The following RANBP17 variants were observed in gnomAD, a reference collection of about 807,000 sequenced individuals.
The protein encoded by RANBP17 is ran-binding protein 17.
Under a neutral mutation model 141.2 loss-of-function variants are expected in RANBP17, and 158 were observed. The ratio of observed to expected loss-of-function variants is 1.12; its 90% confidence interval spans 0.98 to 1.28. The LOEUF is 1.28. Ranked by LOEUF, RANBP17 falls within the 50% of genes most tolerant of loss-of-function variation. RANBP17 has a pLI of 0.00. For synonymous variants in RANBP17, 430 were observed against 450.0 expected, an observed-to-expected ratio of 0.96 and a Z score of 0.56; for missense variants, 1,438 against 1,290.7, an observed-to-expected ratio of 1.11 and a Z score of -1.75.
At chr5:171,090,887 C>T (rs567838882) in intron 14 of RANBP17, among the ~76,000 whole-genome samples, 1 of 152,178 alleles carries the variant, frequency 6.6e-6, no homozygotes, top group Admixed American at 6.5e-5. Context: ...GCCTAGACCT[C>T]AAAAGATGTA....
chr5:170,947,818 T>C (rs35183769), intron 12 of RANBP17, among the ~76,000 whole-genome samples: 11,313 of 152,176 alleles, frequency 0.074, 571 homozygotes, highest in Middle Eastern at 0.27. Context: ...TCTTCTTAAA[T>C]GGTGGCAGGC....
chr5:171,060,852 G>A (rs964862872), intron 14 of RANBP17, among the ~76,000 whole-genome samples: 20 of 152,322 alleles, frequency 1.3e-4, no homozygotes, highest in African/African-American at 4.6e-4. Flanking sequence ...CCTGTTATTA[G>A]TCTATTCAGA....
chr5:170,869,934 C>T (rs115233273), intron 1 of RANBP17, among the ~76,000 whole-genome samples: 2,399 of 152,230 alleles, frequency 0.016, 63 homozygotes, highest in African/African-American at 0.055. Context: ...TCCTCCAAAC[C>T]TATGAGATTG....
intron 14 of RANBP17, among the ~76,000 whole-genome samples, chr5:171,057,830 C>A (rs1266729197): frequency 6.6e-6 from 1 of 152,086 alleles, no homozygotes; most frequent in Admixed American, 6.6e-5. Context: ...TGAGAACTCA[C>A]TATCACAAGA....
chr5:171,093,145 G>A (rs1786426841), intron 14 of RANBP17, among the ~76,000 whole-genome samples: 1 of 151,810 alleles, frequency 6.6e-6, no homozygotes, highest in Non-Finnish European at 1.5e-5. Context: ...AGGAGGTAGA[G>A]GTTCCAGTGA....
chr5:170,878,320 A>G (rs1768366605), intron 2 of RANBP17, 77 bp downstream of exon 2: 3 of 1,229,426 alleles, frequency 2.4e-6, no homozygotes, highest in African/African-American at 1.5e-5. Flanking sequence ...GTGTGTTAGC[A>G]ATGGTAACTG....
rs565115923 is a variant in RANBP17, at chr5:170,953,780, G to A, written c.1574+78G>A. 9.0e-4 allele frequency: 838 copies of A among 925,988 alleles called. 3 individuals carry two copies. Among genetic ancestry groups the A allele is most frequent in the Middle Eastern group, 8.4e-3 (39 of 4,624 alleles). The allele number at this position is 925,988 out of a possible 1,614,324, so 57.4% of individuals were successfully genotyped here. A position where few individuals can be genotyped will look rare whatever the true frequency, so the allele number is the denominator to read the frequency against. On this transcript the variant is annotated intron_variant, in intron 13 of 27. Coordinates refer to ENST00000523189, the MANE Select transcript of RANBP17 (RefSeq NM_022897.5). ...TAGTTATTGAACTAGTATTATGAGTGAAGACATTTTGTATGTGGCCTTTTG... is the reference window on the plus strand; with the variant it reads ...TAGTTATTGAACTAGTATTATGAGTAAAGACATTTTGTATGTGGCCTTTTG...
At chr5:171,063,943 C>T (rs1284018903) in intron 14 of RANBP17, among the ~76,000 whole-genome samples, 2 of 152,238 alleles carry the variant, frequency 1.3e-5, no homozygotes, top group Non-Finnish European at 1.5e-5. Context: ...AGCGAGACTC[C>T]GTGGGCGTAG....
chr5:171,081,881 A>G (rs1785277033), intron 14 of RANBP17, among the ~76,000 whole-genome samples: 1 of 152,104 alleles, frequency 6.6e-6, no homozygotes, highest in African/African-American at 2.4e-5. Context: ...TCTTTCATGA[A>G]TCTGTTTTAG....
chr5:170,900,879 C>CAGTT (rs1321433924), intron 5 of RANBP17, among the ~76,000 whole-genome samples: 1 of 151,156 alleles, frequency 6.6e-6, no homozygotes, highest in Non-Finnish European at 1.5e-5. Flanking sequence ...GTCTGAGAGA[C>CAGTT]TGTTATGATT....
intron 14 of RANBP17, among the ~76,000 whole-genome samples, chr5:171,088,076 T>C (rs1237323767): frequency 2.6e-5 from 4 of 152,004 alleles, no homozygotes; most frequent in Non-Finnish European, 1.5e-5. Context: ...TCTTGACATT[T>C]TGGCATGATT....
intron 14 of RANBP17, among the ~76,000 whole-genome samples, chr5:171,149,065 T>A (rs1758288776): frequency 1.3e-5 from 2 of 152,154 alleles, no homozygotes; most frequent in Admixed American, 1.3e-4. Flanking sequence ...TAACCATAGG[T>A]TCTGTAGCTA....
At position 171,107,029 on chromosome 5, in the gene RANBP17, T is replaced by TTTGTTG. The variant is rs5873254; in HGVS notation, c.1711-63086_1711-63081dup. Among the ~76,000 whole-genome samples, 1,129 of 151,314 alleles carry TTTGTTG rather than the reference T, an allele frequency of 7.5e-3. 9 individuals are homozygous for TTTGTTG. Among genetic ancestry groups the TTTGTTG allele is most frequent in the Non-Finnish European group, 0.012 (787 of 67,778 alleles). On this transcript the variant is annotated intron_variant, in intron 14 of 27. Transcript: ENST00000523189. ...TTAGGACCCACGTATCTTTTGTTTG[T>TTTGTTG]TTGTTGTTGTTGTTGTTGTTTTGGA...
chr5:171,252,745 C>T (rs751363463), intron 24 of RANBP17: 1 of 1,400,772 alleles, frequency 7.1e-7, no homozygotes, highest in Non-Finnish European at 1.0e-6. Context: ...CTGTGGAAGA[C>T]TTATTTGTAG....
At chr5:171,003,967 A>G (rs528320447) in intron 14 of RANBP17, among the ~76,000 whole-genome samples, 85 of 152,308 alleles carry the variant, frequency 5.6e-4, no homozygotes, top group African/African-American at 1.9e-3. Context: ...AGGCAAAACA[A>G]TTTGGTTGAT....
intron 14 of RANBP17, among the ~76,000 whole-genome samples, chr5:171,069,086 C>T (rs1001272892): frequency 6.6e-6 from 1 of 152,028 alleles, no homozygotes; most frequent in African/African-American, 2.4e-5. Flanking sequence ...TGCCTGGAAC[C>T]AATAAGTAAA....
intron 12 of RANBP17, among the ~76,000 whole-genome samples, chr5:170,938,611 A>G (rs1157144775): frequency 6.6e-6 from 1 of 152,222 alleles, no homozygotes; most frequent in African/African-American, 2.4e-5. Context: ...GGAGTGTGAA[A>G]AACAACCAGG....
At chr5:171,009,434 G>A (rs989628593) in intron 14 of RANBP17, among the ~76,000 whole-genome samples, 1 of 152,068 alleles carries the variant, frequency 6.6e-6, no homozygotes, top group Non-Finnish European at 1.5e-5. Context: ...AATTGGATTG[G>A]TATAAATGGG....
intron 14 of RANBP17, among the ~76,000 whole-genome samples, chr5:171,074,368 CACG>C (rs1784794014): frequency 6.6e-6 from 1 of 152,116 alleles, no homozygotes; most frequent in South Asian, 2.1e-4. Flanking sequence ...ACCAAGGAAA[CACG>C]ACGATTAAAT....
Sources: allele counts gnomAD v4.1 joint callset (sites outside exome capture counted in the v4.1 genomes callset), GRCh38; gene constraint gnomAD v4.1.1; transcripts MANE v1.5; gene names NCBI Gene and HGNC (gene_info 2026-07-23, HGNC 2026-07-21).